The following NMNAT2 variants were observed in gnomAD, a reference collection of about 807,000 sequenced individuals.
NMNAT2 encodes the protein nicotinamide nucleotide adenylyltransferase 2.
A neutral mutation model predicts 41.6 loss-of-function variants in NMNAT2; 11 were observed. That is an observed-to-expected ratio of 0.26 (90% confidence interval 0.17 to 0.44). The LOEUF (loss-of-function observed/expected upper bound fraction) is 0.44. NMNAT2 is among the 20% of genes least tolerant of loss of function. NMNAT2 has a pLI of 1.00. For missense variants in NMNAT2, 288 were observed against 407.7 expected (o/e 0.71, Z 2.53); for synonymous variants, 148 against 151.2 (o/e 0.98, Z 0.16).
rs111978743 is a variant in NMNAT2, at chr1:183,290,115, T to C, written c.321+13A>G. On this transcript the variant is annotated intron_variant, in intron 4 of 10. Transcript: ENST00000287713. ...CTGGTGGTTCACGCATCCCCAGGCT[T>C]GGCCCAGCTCACCTTCATGAGGTCC... The C allele has an allele frequency of 4.7e-3, 7,322 of 1,565,876 alleles. 276 individuals are homozygous for C. The African/African-American group carries it at 0.086, about 18-fold the overall frequency.
At chr1:183,263,234 A>C (rs1660708487) in intron 8 of NMNAT2, among the ~76,000 whole-genome samples, 1 of 152,208 alleles carries the variant, frequency 6.6e-6, no homozygotes, top group Non-Finnish European at 1.5e-5. Flanking sequence ...AGAATATTAG[A>C]GCCCCCATTG....
At chr1:183,337,885 GT>G (rs1321078669) in intron 1 of NMNAT2, among the ~76,000 whole-genome samples, 1 of 152,170 alleles carries the variant, frequency 6.6e-6, no homozygotes, top group Non-Finnish European at 1.5e-5. Context: ...GTGCTTAGAT[GT>G]TTAATGCAAA....
At chr1:183,314,045 C>T (rs1396159407) in intron 1 of NMNAT2, among the ~76,000 whole-genome samples, 1 of 152,124 alleles carries the variant, frequency 6.6e-6, no homozygotes, top group Non-Finnish European at 1.5e-5. Context: ...AACAGCAATT[C>T]CATATGAACA....
At chr1:183,369,492 T>C (rs904907660) in intron 1 of NMNAT2, among the ~76,000 whole-genome samples, 1 of 152,064 alleles carries the variant, frequency 6.6e-6, no homozygotes, top group Non-Finnish European at 1.5e-5. Context: ...TTAGCCAGGA[T>C]GGTCTCGATC....
At chr1:183,367,041 T>C (rs145883870) in intron 1 of NMNAT2, among the ~76,000 whole-genome samples, 78 of 152,342 alleles carry the variant, frequency 5.1e-4, no homozygotes, top group African/African-American at 1.8e-3. Context: ...ATGATCAATT[T>C]GAAAATCTCC....
At chr1:183,413,815 G>A (rs1318337689) in intron 1 of NMNAT2, among the ~76,000 whole-genome samples, 1 of 151,976 alleles carries the variant, frequency 6.6e-6, no homozygotes, top group Non-Finnish European at 1.5e-5. Flanking sequence ...CACCGTGTTC[G>A]CCAGGATGGT....
intron 1 of NMNAT2, among the ~76,000 whole-genome samples, chr1:183,380,888 C>G (rs1000436900): frequency 8.5e-5 from 13 of 152,054 alleles, no homozygotes; most frequent in African/African-American, 3.1e-4. Context: ...CATTGTTGTG[C>G]AGGTAATTGG....
chr1:183,308,624 A>C (rs1662046190), intron 1 of NMNAT2, among the ~76,000 whole-genome samples: 1 of 152,270 alleles, frequency 6.6e-6, no homozygotes. Context: ...AGAATGAAGT[A>C]GATTTATCTA....
At chr1:183,392,100 C>T (rs907892753) in intron 1 of NMNAT2, among the ~76,000 whole-genome samples, 6 of 152,164 alleles carry the variant, frequency 3.9e-5, no homozygotes, top group African/African-American at 7.2e-5. Context: ...ATTTTTGGCT[C>T]AGGCTGAACT....
intron 1 of NMNAT2, among the ~76,000 whole-genome samples, chr1:183,298,726 T>A (rs2102314388): frequency 6.6e-6 from 1 of 152,316 alleles, no homozygotes; most frequent in East Asian, 1.9e-4. Flanking sequence ...ATTTGGGTGA[T>A]CATGCTTCTA....
intron 1 of NMNAT2, among the ~76,000 whole-genome samples, chr1:183,296,399 G>T (rs944034241): frequency 7.9e-5 from 12 of 152,142 alleles, no homozygotes; most frequent in Non-Finnish European, 1.5e-5. Flanking sequence ...TTCCAAAGTG[G>T]TTGTGCCATT....
rs1327667174 is a variant in NMNAT2 at position 183,335,247 on chromosome 1, A to G, written c.86-41454T>C. 3.3e-5 allele frequency among the ~76,000 whole-genome samples: 5 copies of G among 152,162 alleles called. No homozygotes were observed. In the East Asian group the frequency reaches 7.7e-4, roughly 23 times the overall value. On this transcript the variant is annotated intron_variant, in intron 1 of 10. Transcript: ENST00000287713. ...TCCCGTCTCTGTTAACAGCAACACC[A>G]TCTACTCAGATGTCCAAATTAAAAA...
chr1:183,402,746 G>A lies in NMNAT2; in HGVS notation c.85+15437C>T, dbSNP rs1431436930. Among the ~76,000 whole-genome samples the A allele has an allele frequency of 2.0e-5, 3 of 152,170 alleles. No individual in the cohort carries two copies. The East Asian group carries it at 5.8e-4, about 29-fold the overall frequency. Reference sequence around the variant, plus strand: ...CTCCCCCCTCCACTCCCTCAAGGCAGGACAAGTATCTGTAATTTCCCACGA... The same window carrying A: ...CTCCCCCCTCCACTCCCTCAAGGCAAGACAAGTATCTGTAATTTCCCACGA... On this transcript the variant is annotated intron_variant, in intron 1 of 10. Transcript: ENST00000287713.
rs576914903 is a variant in NMNAT2, at chr1:183,294,090, C to T, written c.86-297G>A. Among the ~76,000 whole-genome samples the T allele has an allele frequency of 2.6e-5, 4 of 152,280 alleles. No individual in the cohort carries two copies. The East Asian group carries it at 7.7e-4, about 29-fold the overall frequency. The stretch of plus-strand genomic sequence containing the variant: ...GGATTTAAAACAAGCGCCTCATTAG[C>T]AGCCATTAGAGCTACAGATTGGAAT... On this transcript the variant is annotated intron_variant, in intron 1 of 10. Transcript: ENST00000287713.
In NMNAT2 at chr1:183,252,754, A is replaced by G; in HGVS notation, c.822-11T>C. 1.2e-6 allele frequency: 2 copies of G among 1,605,406 alleles called. No homozygotes were observed. The highest frequency in any genetic ancestry group is 1.7e-4 in the Middle Eastern group (1 of 5,962). On this transcript the variant is annotated splice_polypyrimidine_tract_variant and intron_variant, in intron 10 of 10. Coordinates refer to ENST00000287713, the MANE Select transcript of NMNAT2 (RefSeq NM_015039.4). ...TGCTGCAGGGCCAGCCTGCACAAGA[A>G]GAGATGACAATCAGATGGACATCCA...
chr1:183,295,156 AC>A (rs781720706), intron 1 of NMNAT2, among the ~76,000 whole-genome samples: 17 of 152,072 alleles, frequency 1.1e-4, no homozygotes, highest in Non-Finnish European at 2.1e-4. Flanking sequence ...GGCATGAGCC[AC>A]CATGGTTGGC....
chr1:183,384,912 T>C (rs1476030103), intron 1 of NMNAT2, among the ~76,000 whole-genome samples: 1 of 151,864 alleles, frequency 6.6e-6, no homozygotes, highest in East Asian at 1.9e-4. Context: ...TGGAATAGGA[T>C]TGGGTGTGGT....
At chr1:183,341,749 C>CAAAAAAAAAAAAAAAAAAAAAAAAAAAA (rs1475480146) in intron 1 of NMNAT2, among the ~76,000 whole-genome samples, 5 of 31,688 alleles carry the variant, frequency 1.6e-4, no homozygotes, top group Admixed American at 2.8e-4. Flanking sequence ...AAAAAAAAAC[C>CAAAAAAAAAAAAAAAAAAAAAAAAAAAA]TGTTTCCTTC....
chr1:183,389,457 C>T (rs544067929), intron 1 of NMNAT2, among the ~76,000 whole-genome samples: 27 of 152,170 alleles, frequency 1.8e-4, no homozygotes, highest in Non-Finnish European at 2.9e-4. Flanking sequence ...ATTACATAAC[C>T]TCTCGCCACC....
Sources: gnomAD v4.1 joint callset for allele counts (sites outside exome capture counted in the v4.1 genomes callset) on GRCh38, gnomAD v4.1.1 for gene constraint, MANE v1.5 for transcripts, NCBI Gene and HGNC (gene_info 2026-07-23, HGNC 2026-07-21) for gene names.